The following INPP5A variants were observed in gnomAD, a reference collection of about 807,000 sequenced individuals.
INPP5A encodes the protein inositol polyphosphate-5-phosphatase A.
A neutral mutation model predicts 65.2 loss-of-function variants in INPP5A; 14 were observed. That is an observed-to-expected ratio of 0.21 (90% confidence interval 0.14 to 0.34). INPP5A has a LOEUF of 0.34. Ranked by LOEUF, INPP5A falls within the 10% of genes least tolerant of loss-of-function variation. The pLI is 1.00. For missense variants in INPP5A, 431 were observed against 545.6 expected (o/e 0.79, Z 2.09); for synonymous variants, 207 against 208.3 (o/e 0.99, Z 0.05).
intron 4 of INPP5A, among the ~76,000 whole-genome samples, chr10:132,685,930 G>A (rs533962699): frequency 6.6e-6 from 1 of 152,360 alleles, no homozygotes; most frequent in East Asian, 1.9e-4. Context: ...TTGAGAGGTT[G>A]TTTTAATAGC....
At chr10:132,542,058 G>C (rs2070913175) in intron 1 of INPP5A, among the ~76,000 whole-genome samples, 1 of 152,248 alleles carries the variant, frequency 6.6e-6, no homozygotes, top group South Asian at 2.1e-4. Context: ...CCATTTTTAT[G>C]AGAAGGGAAT....
intron 3 of INPP5A, among the ~76,000 whole-genome samples, chr10:132,648,162 C>T (rs2072523786): frequency 6.6e-6 from 1 of 152,220 alleles, no homozygotes. Context: ...GAAAGCAGCC[C>T]CTGTTGGGAA....
chr10:132,596,915 ATG>A (rs1209045767), intron 1 of INPP5A, among the ~76,000 whole-genome samples: 2 of 37,998 alleles, frequency 5.3e-5, no homozygotes, highest in African/African-American at 1.0e-4. Flanking sequence ...GCATGTGTGC[ATG>A]TGTGCGCGCA....
In INPP5A at chr10:132,651,425, A is replaced by G; in HGVS notation, c.306+920A>G. The stretch of plus-strand genomic sequence containing the variant: ...GCCCTGGGTCCCCCGGCCTGGGTCC[A>G]TCTCCCCCGTCTCTGGGGAGGCCCT... On this transcript the variant is annotated intron_variant, in intron 4 of 15. Coordinates refer to ENST00000368594, the MANE Select transcript of INPP5A (RefSeq NM_005539.5). This position sits in a 1 kb window ranked among gnomAD's most constrained non-coding sequence, Gnocchi z 5.0. Among the ~76,000 whole-genome samples, 1 of 126,730 alleles carries G rather than the reference A, an allele frequency of 7.9e-6. No individual in the cohort carries two copies. Among genetic ancestry groups the G allele is most frequent in the Admixed American group, 7.7e-5 (1 of 13,046 alleles). The allele number at this position is 126,730 out of a possible 152,430, so 83.1% of individuals were successfully genotyped here.
chr10:132,694,640 G>A (rs1412099349), intron 5 of INPP5A, among the ~76,000 whole-genome samples: 10 of 152,046 alleles, frequency 6.6e-5, no homozygotes, highest in East Asian at 3.8e-4. Context: ...CAATAAAATC[G>A]ATAAACCTCT....
chr10:132,665,791 T>C (rs2072793479), intron 4 of INPP5A, among the ~76,000 whole-genome samples: 1 of 149,630 alleles, frequency 6.7e-6, no homozygotes, highest in Non-Finnish European at 1.5e-5. Flanking sequence ...TTGCTTGAGC[T>C]TAGGAGTAAT....
At chr10:132,738,429 G>A (rs1036359523) in intron 9 of INPP5A, among the ~76,000 whole-genome samples, 3 of 152,168 alleles carry the variant, frequency 2.0e-5, no homozygotes, top group Admixed American at 6.5e-5. Context: ...CCCTCCCCAC[G>A]TCCAGCCGTG....
At chr10:132,596,460 G>A (rs1443465448) in intron 1 of INPP5A, among the ~76,000 whole-genome samples, 2 of 149,360 alleles carry the variant, frequency 1.3e-5, no homozygotes, top group East Asian at 2.0e-4. Context: ...ATGGAGTCTC[G>A]CACTGTCACC....
intron 4 of INPP5A, among the ~76,000 whole-genome samples, chr10:132,655,643 G>C (rs1177209875): frequency 6.6e-6 from 1 of 152,242 alleles, no homozygotes; most frequent in Non-Finnish European, 1.5e-5. Flanking sequence ...ACCCGCATCT[G>C]GTTTCACCAC....
chr10:132,589,447 C>T (rs994245491), intron 1 of INPP5A, among the ~76,000 whole-genome samples: 5 of 152,240 alleles, frequency 3.3e-5, no homozygotes, highest in Admixed American at 1.3e-4. Flanking sequence ...CCAGGGCCTC[C>T]GGTAGGGGCC....
chr10:132,596,917 GTGTGCGCGCATGTGCA>G (rs773328077), intron 1 of INPP5A, among the ~76,000 whole-genome samples: 33,831 of 84,338 alleles, frequency 0.4, 4,311 homozygotes, highest in East Asian at 0.64. Context: ...ATGTGTGCAT[GTGTGCGCGCATGTGCA>G]CGCATGTGTG....
chr10:132,757,702 G>A (rs933481764), intron 11 of INPP5A, among the ~76,000 whole-genome samples: 5 of 152,188 alleles, frequency 3.3e-5, no homozygotes, highest in African/African-American at 9.7e-5. Flanking sequence ...CTGGAAAGCC[G>A]AGCCCCACAG....
chr10:132,548,471 C>T (rs1323946833), intron 1 of INPP5A, among the ~76,000 whole-genome samples: 3 of 152,136 alleles, frequency 2.0e-5, no homozygotes, highest in Admixed American at 6.5e-5. Flanking sequence ...TTTGTGTTTG[C>T]GCGTTTAACA....
chr10:132,729,428 G>A (rs137956105), intron 9 of INPP5A, among the ~76,000 whole-genome samples: 16 of 152,298 alleles, frequency 1.1e-4, no homozygotes, highest in African/African-American at 2.4e-4. Context: ...GTCGCAGCAC[G>A]GCAGCTCCTG....
chr10:132,694,539 T>G (rs935734961), intron 5 of INPP5A, among the ~76,000 whole-genome samples: 3 of 151,822 alleles, frequency 2.0e-5, no homozygotes, highest in African/African-American at 7.3e-5. Context: ...AGAAAAGAAA[T>G]AATGAAAATT....
intron 11 of INPP5A, among the ~76,000 whole-genome samples, chr10:132,758,454 C>T (rs112619054): frequency 2.1e-4 from 30 of 143,538 alleles, no homozygotes; most frequent in South Asian, 4.6e-4. Flanking sequence ...CAGGCCAGTG[C>T]GATGTCGTGG....
chr10:132,550,852 T>C lies in INPP5A; in HGVS notation c.75+12681T>C, dbSNP rs558041498. Among the ~76,000 whole-genome samples, 1 of 152,326 alleles carries C rather than the reference T, an allele frequency of 6.6e-6. No individual in the cohort carries two copies. The highest frequency in any genetic ancestry group is 1.9e-4 in the East Asian group (1 of 5,190). On this transcript the variant is annotated intron_variant, in intron 1 of 15. Transcript: ENST00000368594. The surrounding 1 kb of genome is among the most constrained non-coding windows in gnomAD (Gnocchi z 4.2). ...GGGCGGTTCTGCCAGACATAGCTGT[T>C]GTCTCTTTGGCCACCAACTGGCCCC...
intron 1 of INPP5A, among the ~76,000 whole-genome samples, chr10:132,571,722 G>A (rs1210899112): frequency 2.0e-5 from 3 of 152,200 alleles, no homozygotes; most frequent in Non-Finnish European, 2.9e-5. Flanking sequence ...TAAGGACCTC[G>A]AGTGTCTGAA....
chr10:132,725,047 A>G (rs1017704239), intron 8 of INPP5A, among the ~76,000 whole-genome samples: 4 of 151,830 alleles, frequency 2.6e-5, no homozygotes, highest in African/African-American at 9.7e-5. Context: ...AGCACACGCC[A>G]TATTCACCGC....
Sources: gnomAD v4.1 joint callset for allele counts (sites outside exome capture counted in the v4.1 genomes callset) on GRCh38, gnomAD v4.1.1 for gene constraint, Gnocchi (gnomAD v3.1) non-coding constraint, MANE v1.5 for transcripts, NCBI Gene and HGNC (gene_info 2026-07-23, HGNC 2026-07-21) for gene names.